The following MATR3 variants were observed in gnomAD, a reference collection of about 807,000 sequenced individuals.
MATR3 encodes matrin-3.
A neutral mutation model predicts 85.5 loss-of-function variants in MATR3; 4 were observed. The observed-to-expected ratio is 0.05, with a 90% CI of 0.02 to 0.11. MATR3 has a LOEUF of 0.11. Among genes scored for constraint, MATR3 ranks in the 10% least tolerant of loss-of-function variants. The probability of loss-of-function intolerance (pLI) is 1.00; values close to 1 mark genes in which losing one functional copy is unlikely to be tolerated. For synonymous variants in MATR3, 336 were observed against 343.1 expected (o/e 0.98, Z 0.23); for missense variants, 685 against 1,016.1 (o/e 0.67, Z 4.43).
intron 1 of MATR3, among the ~76,000 whole-genome samples, chr5:139,299,382 T>A (rs920088041): frequency 2.6e-5 from 4 of 152,032 alleles, no homozygotes; most frequent in African/African-American, 9.7e-5. Context: ...GCAGTGAAAA[T>A]TATATGTGAG....
At chr5:139,299,059 T>A (rs891021230) in intron 1 of MATR3, among the ~76,000 whole-genome samples, 2 of 152,220 alleles carry the variant, frequency 1.3e-5, no homozygotes, top group African/African-American at 4.8e-5. Flanking sequence ...TAGTCAAACT[T>A]AAACACAAGG....
chr5:139,314,852 G>A, intron 3 of MATR3, 116 bp downstream of exon 3: 1 of 869,844 alleles, frequency 1.1e-6, no homozygotes. Context: ...TCACATAGTG[G>A]TACTGTATGG....
In MATR3 at chr5:139,322,896, A is replaced by G; in HGVS notation, c.2077A>G (p.Lys693Glu). The change falls in exon 12 of 15, where the codon AAG (lysine) becomes GAG (glutamate). Residue 693 changes from lysine to glutamate, a missense_variant. Transcript: ENST00000394805. ...NLGDVASDGK[K>E]EPSDKAVKKD... ...AGGTGATGTGGCTTCTGATGGGAAA[A>G]AGGAACCATCAGATAAAGCTGTGAA... 1 of 1,614,038 alleles carries G rather than the reference A, an allele frequency of 6.2e-7. No homozygotes were observed. The highest frequency in any genetic ancestry group is 1.1e-5 in the South Asian group (1 of 91,080).
At chr5:139,298,682 A>G (rs1258651351) in intron 1 of MATR3, among the ~76,000 whole-genome samples, 1 of 152,226 alleles carries the variant, frequency 6.6e-6, no homozygotes, top group Non-Finnish European at 1.5e-5. Flanking sequence ...AGATTTTTAG[A>G]TACGTGACTG....
rs570972202 is a variant in MATR3 at position 139,330,555 on chromosome 5, T to G, written c.*1160T>G. 2.2e-6 allele frequency: 1 copy of G among 454,144 alleles called. No homozygotes were observed. The highest frequency in any genetic ancestry group is 2.0e-5 in the African/African-American group (1 of 50,146). The allele number at this position is 454,144 out of a possible 1,614,324, so 28.1% of individuals were successfully genotyped here. On this transcript the variant is annotated 3_prime_UTR_variant, in exon 15 of 15. Coordinates refer to ENST00000394805, the MANE Select transcript of MATR3 (RefSeq NM_018834.6). ...AGACTGCCGCTAAAGATCTGAGTTT[T>G]AAAAATGTTGTTGCTGGTGGATTTC...
intron 3 of MATR3, among the ~76,000 whole-genome samples, chr5:139,284,292 G>A (rs1753632625): frequency 6.6e-6 from 1 of 152,176 alleles, no homozygotes; most frequent in South Asian, 2.1e-4. Flanking sequence ...ATAGGAAACT[G>A]AACGTAGCCT....
chr5:139,324,620 CTGTT>C (rs1025269407), intron 12 of MATR3, among the ~76,000 whole-genome samples: 2 of 152,108 alleles, frequency 1.3e-5, no homozygotes, highest in South Asian at 2.1e-4. Context: ...AGCCATTACA[CTGTT>C]TGAGTATTTG....
chr5:139,299,794 G>T (rs1754347118), intron 1 of MATR3: 1 of 152,216 alleles, frequency 6.6e-6, no homozygotes, highest in Admixed American at 6.6e-5. Flanking sequence ...TTTGATGCCA[G>T]GAGGCTAGCT....
At chr5:139,276,866 TTCAC>T (rs764769573) in intron 2 of MATR3, among the ~76,000 whole-genome samples, 3 of 152,176 alleles carry the variant, frequency 2.0e-5, no homozygotes, top group Non-Finnish European at 4.4e-5. Context: ...TTGATGGTAA[TTCAC>T]TTTAAAATTA....
intron 10 of MATR3, 95 bp downstream of exon 10, chr5:139,322,124 A>G: frequency 7.3e-7 from 1 of 1,377,474 alleles, no homozygotes; most frequent in East Asian, 2.3e-5. Flanking sequence ...CTAAAAATAC[A>G]GGATTATTGA....
chr5:139,304,631 T>C lies in MATR3; in HGVS notation c.-177-2608T>C, dbSNP rs563085517. Among the ~76,000 whole-genome samples the C allele has an allele frequency of 2.7e-4, 41 of 152,292 alleles. No homozygotes were observed. The East Asian group carries it at 6.9e-3, about 26-fold the overall frequency. On this transcript the variant is annotated intron_variant, in intron 1 of 14. Transcript: ENST00000394805. ...TTTTTTGGAAGTGAAGGGTTCTGCA[T>C]TGATGGGCATTTACACTAGTATATA... is the stretch of plus-strand genomic sequence containing the variant.
At chr5:139,318,203 A>G (rs1475735756) in intron 7 of MATR3, among the ~76,000 whole-genome samples, 2 of 150,948 alleles carry the variant, frequency 1.3e-5, no homozygotes, top group Non-Finnish European at 3.0e-5. Context: ...GCGCGATCTC[A>G]GCTCACTGCA....
intron 13 of MATR3, among the ~76,000 whole-genome samples, chr5:139,325,925 T>C (rs531675979): frequency 2.0e-5 from 3 of 152,346 alleles, no homozygotes; most frequent in Admixed American, 6.5e-5. Context: ...CGCTTTTGTT[T>C]TGCTTTTCTG....
At chr5:139,318,843 T>A in intron 7 of MATR3, 65 bp from the exon 8 acceptor site, 2 of 1,507,702 alleles carry the variant, frequency 1.3e-6, no homozygotes, top group South Asian at 2.3e-5. Flanking sequence ...GGAAAAAAAA[T>A]CTTTAGTTCA....
chr5:139,318,799 T>C (rs944180349), intron 7 of MATR3, 109 bp from the exon 8 acceptor site: 5 of 994,626 alleles, frequency 5.0e-6, no homozygotes, highest in Non-Finnish European at 7.8e-6. Context: ...TGATTAAATA[T>C]ATCTGAAAAG....
At chr5:139,328,953 C>T (rs746995167) in intron 14 of MATR3, among the ~76,000 whole-genome samples, 13 of 151,686 alleles carry the variant, frequency 8.6e-5, no homozygotes, top group Admixed American at 2.0e-4. Context: ...TGCAGTTAGC[C>T]GAGATCACGA....
At chr5:139,298,340 G>C (rs1331563913) in intron 1 of MATR3, among the ~76,000 whole-genome samples, 1 of 152,210 alleles carries the variant, frequency 6.6e-6, no homozygotes, top group Middle Eastern at 3.2e-3. Flanking sequence ...GGGGGCTGAG[G>C]TGGGCAGATC....
chr5:139,293,599 G>A (rs997142040), upstream of MATR3: 3 of 185,444 alleles, frequency 1.6e-5, no homozygotes, highest in African/African-American at 7.0e-5. Context: ...CGAGGTGCGC[G>A]CGCTGAGTAG....
intron 2 of MATR3, chr5:139,278,273 T>C (rs1753373550): frequency 2.2e-6 from 1 of 452,830 alleles, no homozygotes; most frequent in Non-Finnish European, 4.4e-6. Flanking sequence ...AATGCATTGC[T>C]ATTTATTATA....
Sources: gnomAD v4.1 joint callset for allele counts (sites outside exome capture counted in the v4.1 genomes callset) on GRCh38, gnomAD v4.1.1 for gene constraint, MANE v1.5 for transcripts, NCBI Gene and HGNC (gene_info 2026-07-23, HGNC 2026-07-21) for gene names.